The following CFAP61 variants were observed in gnomAD, a reference collection of about 807,000 sequenced individuals.
CFAP61 encodes the protein cilia and flagella associated protein 61, also known as cilia- and flagella-associated protein 61.
In CFAP61, 107 loss-of-function variants were observed where a neutral mutation model predicts 135.6. That is an observed-to-expected ratio of 0.79 (90% confidence interval 0.67 to 0.93). The LOEUF is 0.93. Among genes scored for constraint, CFAP61 ranks in the 40% least tolerant of loss-of-function variants. The pLI, the probability that CFAP61 is intolerant of heterozygous loss-of-function variation, is 0.00. For missense variants in CFAP61, 1,507 were observed against 1,556.2 expected, an observed-to-expected ratio of 0.97 and a Z score of 0.53; for synonymous variants, 575 against 578.5, an observed-to-expected ratio of 0.99 and a Z score of 0.09.
At chr20:20,290,105 T>G (rs1401604477) in intron 23 of CFAP61, among the ~76,000 whole-genome samples, 195 bp from the exon 24 acceptor site, 1 of 152,180 alleles carries the variant, frequency 6.6e-6, no homozygotes, top group Non-Finnish European at 1.5e-5. Context: ...GGATATCATA[T>G]CACATTCACA....
intron 24 of CFAP61, among the ~76,000 whole-genome samples, chr20:20,291,415 C>T (rs897264738): frequency 6.6e-6 from 1 of 152,204 alleles, no homozygotes; most frequent in Admixed American, 6.5e-5. Flanking sequence ...AGTCATACAG[C>T]CTATCGTCTT....
chr20:20,284,250 C>T (rs910433299), intron 22 of CFAP61, among the ~76,000 whole-genome samples: 1 of 144,980 alleles, frequency 6.9e-6, no homozygotes, highest in East Asian at 2.0e-4. Context: ...TCAATTGGCT[C>T]TTTATTTTAT....
At chr20:20,227,389 A>G (rs1471110045) in intron 17 of CFAP61, among the ~76,000 whole-genome samples, 4 of 152,238 alleles carry the variant, frequency 2.6e-5, no homozygotes, top group Non-Finnish European at 5.9e-5. Flanking sequence ...GTCACTGTCC[A>G]GACACATAGT....
chr20:20,189,559 C>T (rs186746059), intron 14 of CFAP61, among the ~76,000 whole-genome samples: 7 of 150,262 alleles, frequency 4.7e-5, no homozygotes, highest in East Asian at 1.9e-4. Context: ...TGTCAGCAAA[C>T]GTCCTAGTGG....
chr20:20,290,365 G>C lies in CFAP61; in HGVS notation c.3190G>C (p.Glu1064Gln), dbSNP rs746997675. The C allele has an allele frequency of 6.1e-5, 99 of 1,611,618 alleles. No individual in the cohort carries two copies. In the East Asian group the frequency reaches 2.1e-3, roughly 34 times the overall value. ...CAAGCCTGCCATTCCAACTCCCTTG[G>C]AGGTACAAATGGCACAGCCTAATTA... ...IAKPAIPTPL[E>Q]VQMAQPNYGL... Residue 1064 changes from glutamate to glutamine, a missense_variant, in exon 24 of 27, where the codon GAG (glutamate) becomes CAG (glutamine). By Grantham distance (29) the Glu-to-Gln change is conservative. Transcript: ENST00000245957.
At position 20,196,688 on chromosome 20, in the gene CFAP61, A is replaced by G; in HGVS notation, c.1709A>G (p.Tyr570Cys). The change falls in exon 16 of 27, where the codon TAC becomes TGC. Residue 570 changes from tyrosine (Y) to cysteine (C), a missense_variant. Physicochemically the swap from Tyr to Cys is radical, Grantham distance 194 (BLOSUM62 -2). Coordinates refer to ENST00000245957, the MANE Select transcript of CFAP61 (RefSeq NM_015585.4). ...HFALNPIFRHYTKFFLKEILR... is the reference protein window; with the variant it reads ...HFALNPIFRHCTKFFLKEILR... The stretch of plus-strand genomic sequence containing the variant: ...GCCCTCAACCCCATTTTCCGGCACT[A>G]CACCAAGTTCTTTCTGAAGGAGATC... The G allele has an allele frequency of 6.2e-7, 1 of 1,614,134 alleles. No individual in the cohort carries two copies. The highest frequency in any genetic ancestry group is 8.5e-7 in the Non-Finnish European group (1 of 1,180,018).
rs1384329945 is a variant in CFAP61, at chr20:20,186,385, TTGTA to T, written c.1386-1539_1386-1536del. ...TCTTTTATGGCTGAATAGTGTTCTG[TTGTA>T]TGTATCAATCATACTCTGTTTATCC... On this transcript the variant is annotated intron_variant, in intron 13 of 26. Coordinates refer to ENST00000245957, the MANE Select transcript of CFAP61 (RefSeq NM_015585.4). Among the ~76,000 whole-genome samples the T allele has an allele frequency of 5.3e-5, 8 of 152,370 alleles. No individual in the cohort carries two copies. The East Asian group carries it at 1.5e-3, about 29-fold the overall frequency.
intron 25 of CFAP61, among the ~76,000 whole-genome samples, chr20:20,329,210 G>A (rs535932043): frequency 1.3e-5 from 2 of 152,078 alleles, no homozygotes; most frequent in African/African-American, 4.8e-5. Context: ...TCTCTTCCTT[G>A]AACCAAACCT....
At chr20:20,143,545 C>G (rs558329245) in intron 9 of CFAP61, among the ~76,000 whole-genome samples, 13 of 152,170 alleles carry the variant, frequency 8.5e-5, no homozygotes, top group Non-Finnish European at 1.3e-4. Flanking sequence ...GATTTACTCT[C>G]CTGCCTAAAA....
At position 20,171,500 on chromosome 20, in the gene CFAP61, G is replaced by A. The variant is rs897510905; in HGVS notation, c.1385+2040G>A. ...TTTAATGTGTCCTTCCATTGTGACT[G>A]GAGCTAGCAGGTCTCATAGTGTTAG... On this transcript the variant is annotated intron_variant, in intron 13 of 26. Transcript: ENST00000245957. Among the ~76,000 whole-genome samples, 7 of 152,196 alleles carry A rather than the reference G, an allele frequency of 4.6e-5. No homozygotes were observed. In the South Asian group the frequency reaches 8.3e-4, roughly 18 times the overall value.
rs77500504 is a variant in CFAP61, at chr20:20,224,029, C to G, written c.1933-4220C>G. Among the ~76,000 whole-genome samples the G allele has an allele frequency of 3.5e-3, 533 of 152,312 alleles. 7 individuals are homozygous for G. The highest frequency in any genetic ancestry group is 0.012 in the African/African-American group (507 of 41,558). On this transcript the variant is annotated intron_variant, in intron 17 of 26. Transcript: ENST00000245957. ...AGTTGATGTATCTATTCTTTTACCA[C>G]TTACCAAGTGCCCCAAAATGCATGG...
At chr20:20,164,484 C>A (rs188332740) in intron 11 of CFAP61, among the ~76,000 whole-genome samples, 1 of 152,320 alleles carries the variant, frequency 6.6e-6, no homozygotes, top group African/African-American at 2.4e-5. Context: ...TTATCACTTA[C>A]ATAACCACAT....
At chr20:20,053,917 A>G (rs1018019840) in intron 1 of CFAP61, among the ~76,000 whole-genome samples, 2 of 151,934 alleles carry the variant, frequency 1.3e-5, no homozygotes, top group African/African-American at 4.8e-5. Context: ...AAAAGTACAA[A>G]CATGCTAGAA....
intron 26 of CFAP61, among the ~76,000 whole-genome samples, chr20:20,348,689 C>CAAAAAAAAA (rs71198052): frequency 1.9e-3 from 98 of 52,384 alleles, no homozygotes; most frequent in Non-Finnish European, 2.4e-3. Context: ...GACTCCGTAT[C>CAAAAAAAAA]AAAAAAAAAA....
At chr20:20,069,006 G>C (rs2045516123) in intron 2 of CFAP61, among the ~76,000 whole-genome samples, 1 of 152,232 alleles carries the variant, frequency 6.6e-6, no homozygotes, top group Non-Finnish European at 1.5e-5. Context: ...GCCTTCCAAA[G>C]TGCTGGGATT....
chr20:20,154,674 A>G (rs547239461), intron 9 of CFAP61, among the ~76,000 whole-genome samples: 3 of 151,904 alleles, frequency 2.0e-5, no homozygotes, highest in African/African-American at 4.8e-5. Flanking sequence ...ACAACAACAA[A>G]CCTTAAAAAA....
At chr20:20,210,854 A>C (rs1167351058) in intron 17 of CFAP61, among the ~76,000 whole-genome samples, 2 of 152,218 alleles carry the variant, frequency 1.3e-5, no homozygotes, top group Non-Finnish European at 2.9e-5. Flanking sequence ...GGCCAGGCAC[A>C]GTGGCTCATA....
At chr20:20,140,920 CT>C (rs66785203) in intron 8 of CFAP61, among the ~76,000 whole-genome samples, 41,740 of 142,954 alleles carry the variant, frequency 0.29, 5,696 homozygotes, top group Non-Finnish European at 0.32. Flanking sequence ...TTTTTTTTTC[CT>C]TTTTTTTTTT....
intron 8 of CFAP61, among the ~76,000 whole-genome samples, chr20:20,117,263 G>T (rs2049216390): frequency 6.6e-6 from 1 of 152,148 alleles, no homozygotes; most frequent in African/African-American, 2.4e-5. Context: ...ACAATCACTT[G>T]AAACCAGAGG....
Sources: gnomAD v4.1 joint callset for allele counts (sites outside exome capture counted in the v4.1 genomes callset) on GRCh38, gnomAD v4.1.1 for gene constraint, MANE v1.5 for transcripts, NCBI Gene and HGNC (gene_info 2026-07-23, HGNC 2026-07-21) for gene names.